Variants in DYTN observed in about 807,000 individuals in gnomAD.
DYTN encodes the protein dystrotelin.
Under a neutral mutation model 69.6 loss-of-function variants are expected in DYTN, and 75 were observed. The ratio of observed to expected loss-of-function variants is 1.08; its 90% CI spans 0.89 to 1.31. The LOEUF (loss-of-function observed/expected upper bound fraction) is 1.31, where lower values mean the gene tolerates loss of function less well. DYTN is among the 50% of genes most tolerant of loss of function. DYTN has a pLI of 0.00. For missense variants in DYTN, 726 were observed against 688.4 expected (o/e 1.05, Z -0.61); for synonymous variants, 252 against 249.1 (o/e 1.01, Z -0.11).
At chr2:206,699,304 G>A (rs1463149416) in intron 7 of DYTN, among the ~76,000 whole-genome samples, 3 of 152,108 alleles carry the variant, frequency 2.0e-5, no homozygotes, top group Non-Finnish European at 2.9e-5. Context: ...ATGGTGGCAT[G>A]TGCCTGTACC....
chr2:206,679,011 C>T (rs538175191), intron 9 of DYTN: 1 of 152,232 alleles, frequency 6.6e-6, no homozygotes, highest in East Asian at 1.9e-4. Context: ...CCGTTTTGGA[C>T]TCACCTGGTA....
At chr2:206,677,863 A>G (rs895171223) in intron 9 of DYTN, among the ~76,000 whole-genome samples, 1 of 152,020 alleles carries the variant, frequency 6.6e-6, no homozygotes, top group African/African-American at 2.4e-5. Context: ...TGATGCGGGC[A>G]CCTGGAATCC....
chr2:206,680,098 T>C (rs751471371), intron 9 of DYTN, among the ~76,000 whole-genome samples: 8 of 152,076 alleles, frequency 5.3e-5, no homozygotes, highest in Non-Finnish European at 1.2e-4. Flanking sequence ...CGAGATGGGG[T>C]AATTTATAAA....
intron 9 of DYTN, among the ~76,000 whole-genome samples, chr2:206,691,186 G>A (rs907048824): frequency 6.6e-6 from 1 of 152,154 alleles, no homozygotes; most frequent in Non-Finnish European, 1.5e-5. Context: ...GCCAAGATGG[G>A]CGGATCACTT....
intron 9 of DYTN, among the ~76,000 whole-genome samples, chr2:206,688,436 T>C (rs1012084819): frequency 6.6e-6 from 1 of 151,896 alleles, no homozygotes; most frequent in Admixed American, 6.6e-5. Flanking sequence ...AAAGCACAAA[T>C]ATAAAAAAAC....
chr2:206,664,220 T>C (rs1699543479), intron 10 of DYTN, among the ~76,000 whole-genome samples: 1 of 152,172 alleles, frequency 6.6e-6, no homozygotes, highest in Admixed American at 6.5e-5. Context: ...TGTACTGAAA[T>C]ATGAAAGGGT....
chr2:206,654,685 T>G (rs1023544695), intron 11 of DYTN, among the ~76,000 whole-genome samples: 2 of 152,200 alleles, frequency 1.3e-5, no homozygotes, highest in African/African-American at 4.8e-5. Context: ...CAGTAAACAC[T>G]TCTAGGACTC....
At position 206,665,963 on chromosome 2, in the gene DYTN, T is replaced by C. The variant is rs894909794; in HGVS notation, c.1047A>G (p.Glu349=). Residue 349 remains glutamate, a synonymous_variant, in exon 10 of 12, where the codon GAA becomes GAG. Transcript: ENST00000452335. ...TCCTTGTTTCAAATCGACAAATTCT[T>C]TCTTCCTGGGAGGTGTATATAGCTT... ...KLQAIYTSQE[E]RICRFETRIH... 2 of 1,614,000 alleles carry C rather than the reference T, an allele frequency of 1.2e-6. No homozygotes were observed. The highest frequency in any genetic ancestry group is 4.5e-5 in the East Asian group (2 of 44,890).
Position 206,663,322 on chromosome 2 carries a change from G to A in DYTN, c.1214C>T (p.Thr405Ile), listed in dbSNP as rs1424787848. ...ATCCCCTCCCTTTGGAACCTTTTCA[G>A]TTGAAGAATGGTCAACCTTGTTCCC... is the stretch of plus-strand genomic sequence containing the variant. ...NVGNKVDHSS[T>I]EKVPKGGDYL... The change falls in exon 11 of 12, where the codon ACT (threonine) becomes ATT (isoleucine). Residue 405 changes from threonine (T) to isoleucine (I), a missense_variant. By Grantham distance (89) the Thr-to-Ile change is moderately conservative. Transcript: ENST00000452335. 1 of 1,613,898 alleles carries A rather than the reference G, an allele frequency of 6.2e-7. No individual in the cohort carries two copies. The highest frequency in any genetic ancestry group is 1.3e-5 in the African/African-American group (1 of 74,934).
Position 206,662,910 on chromosome 2 carries a change from C to A in DYTN, c.1626G>T (p.Thr542=). Reference sequence around the variant, plus strand: ...GGATTGTGAAAACCTTACCTGATGGCGTTTCTAGATTGAAGGCATCCATAA... The same window carrying A: ...GGATTGTGAAAACCTTACCTGATGGAGTTTCTAGATTGAAGGCATCCATAA... ...SKLMDAFNLE[T]PSGPESSVNM... is the part of the protein sequence containing the mutation. The change falls in exon 11 of 12, where the codon ACG becomes ACT. Residue 542 remains threonine, a synonymous_variant. Coordinates refer to ENST00000452335, the MANE Select transcript of DYTN (RefSeq NM_001093730.1). 1 of 1,611,312 alleles carries A rather than the reference C, an allele frequency of 6.2e-7. No individual in the cohort carries two copies. The highest frequency in any genetic ancestry group is 8.5e-7 in the Non-Finnish European group (1 of 1,178,896).
chr2:206,672,783 G>T (rs377427176), intron 9 of DYTN, among the ~76,000 whole-genome samples: 1 of 152,138 alleles, frequency 6.6e-6, no homozygotes. Flanking sequence ...ACATGTGGGG[G>T]CAAATAAACA....
chr2:206,667,700 G>A (rs1373639893), intron 9 of DYTN, among the ~76,000 whole-genome samples: 1 of 104,668 alleles, frequency 9.6e-6, no homozygotes, highest in Non-Finnish European at 1.9e-5. Context: ...GCGTGTGCGT[G>A]TGTGTGTGTG....
At chr2:206,669,629 A>T (rs1390250642) in intron 9 of DYTN, among the ~76,000 whole-genome samples, 1 of 152,220 alleles carries the variant, frequency 6.6e-6, no homozygotes, top group Non-Finnish European at 1.5e-5. Context: ...TCATTTTAAG[A>T]AGGTAAGTTA....
chr2:206,684,887 G>A (rs1238713593), intron 9 of DYTN, among the ~76,000 whole-genome samples: 1 of 152,136 alleles, frequency 6.6e-6, no homozygotes, highest in East Asian at 1.9e-4. Context: ...TTTCTAAGAA[G>A]CAACTTACAA....
chr2:206,708,123 A>T (rs1700045291), intron 2 of DYTN, among the ~76,000 whole-genome samples: 1 of 152,232 alleles, frequency 6.6e-6, no homozygotes. Context: ...TTATCTAGAG[A>T]AGGCACTTAA....
At chr2:206,679,563 A>T (rs921350951) in intron 9 of DYTN, among the ~76,000 whole-genome samples, 2 of 152,222 alleles carry the variant, frequency 1.3e-5, no homozygotes, top group African/African-American at 4.8e-5. Flanking sequence ...GGTCAGGTAT[A>T]TTCTGTTATA....
At chr2:206,707,540 T>C (rs765615437) in intron 2 of DYTN, 37 bp from the exon 3 acceptor site, 3 of 1,569,256 alleles carry the variant, frequency 1.9e-6, no homozygotes, top group Non-Finnish European at 2.6e-6. Flanking sequence ...CCTTATTTTC[T>C]GATGGGAACA....
chr2:206,652,619 T>C (rs1481353389), intron 11 of DYTN, among the ~76,000 whole-genome samples: 1 of 152,230 alleles, frequency 6.6e-6, no homozygotes, highest in African/African-American at 2.4e-5. Context: ...CTTAATTATA[T>C]ACCAATAAAT....
At chr2:206,656,923 C>T (rs115961417) in intron 11 of DYTN, among the ~76,000 whole-genome samples, 1,894 of 151,954 alleles carry the variant, frequency 0.012, 41 homozygotes, top group African/African-American at 0.043. Flanking sequence ...CCACCACGTC[C>T]GGCTAATTTT....
Sources: gnomAD v4.1 joint callset for allele counts (sites outside exome capture counted in the v4.1 genomes callset) on GRCh38, gnomAD v4.1.1 for gene constraint, MANE v1.5 for transcripts, NCBI Gene and HGNC (gene_info 2026-07-23, HGNC 2026-07-21) for gene names.